The following ZMPSTE24 variants were observed in gnomAD, a reference collection of about 807,000 sequenced individuals.
ZMPSTE24 encodes CAAX prenyl protease 1 homolog.
Under a neutral mutation model 56.7 loss-of-function variants are expected in ZMPSTE24, and 48 were observed. The ratio of observed to expected loss-of-function variants is 0.85; its 90% CI spans 0.67 to 1.08. ZMPSTE24 has a LOEUF of 1.08. Among genes scored for constraint, ZMPSTE24 ranks in the 50% least tolerant of loss-of-function variants. The pLI is 0.00. For missense variants in ZMPSTE24, 503 were observed against 548.7 expected (o/e 0.92, Z 0.83); for synonymous variants, 172 against 195.2 (o/e 0.88, Z 0.99).
intron 6 of ZMPSTE24, 25 bp from the exon 7 acceptor site, chr1:40,281,318 A>G: frequency 1.9e-6 from 3 of 1,613,178 alleles, no homozygotes; most frequent in South Asian, 2.2e-5. Context: ...ATTATATTCC[A>G]TGCTTTGAAC....
intron 4 of ZMPSTE24, among the ~76,000 whole-genome samples, chr1:40,269,094 A>AG (rs1403227344): frequency 6.7e-6 from 1 of 149,950 alleles, no homozygotes; most frequent in Non-Finnish European, 1.5e-5. Flanking sequence ...AAAAAAAAAA[A>AG]AAAGAAAGAA....
intron 8 of ZMPSTE24, among the ~76,000 whole-genome samples, chr1:40,290,276 T>A (rs1020679845): frequency 2.1e-4 from 31 of 150,362 alleles, no homozygotes; most frequent in Non-Finnish European, 3.8e-4. Context: ...TCCCAGCTAC[T>A]CGGGAGGCTG....
rs780522785 is a variant in ZMPSTE24, at chr1:40,258,285, C to T, written c.14C>T (p.Ala5Val). 3.1e-6 allele frequency: 5 copies of T among 1,614,042 alleles called. No homozygotes were observed. The Admixed American group carries it at 6.7e-5, about 22-fold the overall frequency. Reference sequence around the variant, plus strand: ...AACCGGGTGGCCATGGGGATGTGGGCATCGCTGGACGCTTTGTGGGAGATG... The same window carrying T: ...AACCGGGTGGCCATGGGGATGTGGGTATCGCTGGACGCTTTGTGGGAGATG... Reference protein sequence around the residue: MGMWASLDALWEMPA... With the variant: MGMWVSLDALWEMPA... Residue 5 changes from alanine (A) to valine (V), a missense_variant, in exon 1 of 10, where the codon GCA (alanine) becomes GTA (valine). Coordinates refer to ENST00000372759, the MANE Select transcript of ZMPSTE24 (RefSeq NM_005857.5).
At chr1:40,265,103 G>C (rs930082917) in intron 2 of ZMPSTE24, among the ~76,000 whole-genome samples, 2 of 152,062 alleles carry the variant, frequency 1.3e-5, no homozygotes, top group Non-Finnish European at 2.9e-5. Context: ...TGCAGTATCA[G>C]TTTTCAAATG....
intron 7 of ZMPSTE24, among the ~76,000 whole-genome samples, chr1:40,282,973 C>T (rs2124591169): frequency 6.6e-6 from 1 of 152,232 alleles, no homozygotes; most frequent in East Asian, 1.9e-4. Flanking sequence ...GTGTGAAATA[C>T]CTTGTACTCT....
chr1:40,281,852 T>C (rs562631675), intron 7 of ZMPSTE24, among the ~76,000 whole-genome samples: 1 of 152,234 alleles, frequency 6.6e-6, no homozygotes, highest in Non-Finnish European at 1.5e-5. Flanking sequence ...ATTTCTTATG[T>C]GTTTATGATC....
intron 2 of ZMPSTE24, among the ~76,000 whole-genome samples, chr1:40,267,313 T>A (rs922853065): frequency 9.9e-5 from 15 of 151,140 alleles, no homozygotes; most frequent in African/African-American, 2.2e-4. Context: ...GTCTATTTTT[T>A]AAAAAAATAT....
chr1:40,286,064 T>C, intron 8 of ZMPSTE24, 35 bp downstream of exon 8: 1 of 1,564,778 alleles, frequency 6.4e-7, no homozygotes, highest in Non-Finnish European at 8.8e-7. Context: ...TTTTATGGCA[T>C]GATAGTCAAA....
In ZMPSTE24 at chr1:40,290,854, A is replaced by G; in HGVS notation, c.1060A>G (p.Met354Val). 6.2e-7 allele frequency: 1 copy of G among 1,613,812 alleles called. No individual in the cohort carries two copies. Among genetic ancestry groups the G allele is most frequent in the Non-Finnish European group, 8.5e-7 (1 of 1,179,884 alleles). Residue 354 changes from methionine to valine, a missense_variant and splice_region_variant, in exon 9 of 10, where the codon ATG becomes GTG. Transcript: ENST00000372759. ...AGAAATTTCATGTCCTTCTTTCTAG[A>G]TGAATTCTTTCCTGTGTTTTTTTTT... ...HTVKNIIISQ[M>V]NSFLCFFLFA...
intron 7 of ZMPSTE24, among the ~76,000 whole-genome samples, chr1:40,282,206 T>C (rs192573206): frequency 4.6e-5 from 7 of 152,314 alleles, no homozygotes; most frequent in Admixed American, 3.3e-4. Context: ...ATTCTAGATA[T>C]AGTAACTGGA....
intron 4 of ZMPSTE24, 107 bp from the exon 5 acceptor site, chr1:40,269,868 A>C: frequency 7.5e-7 from 1 of 1,326,892 alleles, no homozygotes; most frequent in Non-Finnish European, 1.0e-6. Flanking sequence ...ACTGCATGTT[A>C]ATTTTAAAAA....
At chr1:40,268,601 GT>G in intron 4 of ZMPSTE24, 66 bp downstream of exon 4, 1 of 1,037,290 alleles carries the variant, frequency 9.6e-7, no homozygotes, top group Non-Finnish European at 1.4e-6. Flanking sequence ...GTCCTGTACT[GT>G]TTATAATTTA....
chr1:40,267,712 C>T, intron 2 of ZMPSTE24, 74 bp from the exon 3 acceptor site: 1 of 1,200,538 alleles, frequency 8.3e-7, no homozygotes, highest in Non-Finnish European at 1.2e-6. Flanking sequence ...TCCTTTCTTT[C>T]TTTATACCAT....
intron 2 of ZMPSTE24, among the ~76,000 whole-genome samples, chr1:40,261,800 C>T (rs1643500436): frequency 6.6e-6 from 1 of 152,184 alleles, no homozygotes. Flanking sequence ...ATCTCCACCT[C>T]CCGGGTTCAA....
intron 1 of ZMPSTE24, among the ~76,000 whole-genome samples, chr1:40,258,876 G>A (rs1259157860): frequency 6.6e-6 from 1 of 152,104 alleles, no homozygotes; most frequent in African/African-American, 2.4e-5. Flanking sequence ...AAACTTATCG[G>A]GCCCGGCGTG....
At chr1:40,270,969 T>TA (rs1158493892) in intron 5 of ZMPSTE24, among the ~76,000 whole-genome samples, 1 of 152,140 alleles carries the variant, frequency 6.6e-6, no homozygotes, top group Non-Finnish European at 1.5e-5. Flanking sequence ...TAATAATTTT[T>TA]AAAAAACCCA....
intron 8 of ZMPSTE24, among the ~76,000 whole-genome samples, chr1:40,286,742 T>A (rs1303634916): frequency 4.0e-5 from 6 of 149,698 alleles, no homozygotes; most frequent in Non-Finnish European, 1.5e-5. Flanking sequence ...TTTTTTTTTT[T>A]TTGAGATGGA....
chr1:40,263,730 CTTTTTTT>C (rs1282418065), intron 2 of ZMPSTE24, among the ~76,000 whole-genome samples: 1 of 124,184 alleles, frequency 8.1e-6, no homozygotes, highest in African/African-American at 2.9e-5. Context: ...TTAGCTTCGA[CTTTTTTT>C]TTTTTTTTTT....
chr1:40,291,686 G>A (rs1643845879), intron 9 of ZMPSTE24, among the ~76,000 whole-genome samples: 1 of 152,106 alleles, frequency 6.6e-6, no homozygotes, highest in Non-Finnish European at 1.5e-5. Flanking sequence ...AGATTGTAGA[G>A]TTAAGATGAG....
Sources: gnomAD v4.1 joint callset for allele counts (sites outside exome capture counted in the v4.1 genomes callset) on GRCh38, gnomAD v4.1.1 for gene constraint, MANE v1.5 for transcripts, NCBI Gene and HGNC (gene_info 2026-07-23, HGNC 2026-07-21) for gene names.